Variants in MSRA observed in about 807,000 individuals in gnomAD.
MSRA encodes the protein mitochondrial peptide methionine sulfoxide reductase.
MSRA carries 54 observed loss-of-function variants against 31.3 expected under a neutral mutation model. The ratio of observed to expected loss-of-function variants is 1.73; its 90% CI spans 1.39 to 2.17. MSRA has a LOEUF of 2.17. Among genes scored for constraint, MSRA ranks in the 30% most tolerant of loss-of-function variants. The pLI is 0.00. For missense variants in MSRA, 507 were observed against 300.9 expected (o/e 1.69, Z -5.07); for synonymous variants, 169 against 116.5 (o/e 1.45, Z -2.90).
chr8:10,300,766 G>C (rs752600349), intron 3 of MSRA, among the ~76,000 whole-genome samples: 2 of 152,026 alleles, frequency 1.3e-5, no homozygotes, highest in African/African-American at 2.4e-5. Flanking sequence ...AGTATGGAGG[G>C]ATCTCTTATT....
intron 5 of MSRA, among the ~76,000 whole-genome samples, chr8:10,362,850 C>A (rs976505542): frequency 6.6e-5 from 10 of 152,152 alleles, no homozygotes; most frequent in African/African-American, 2.4e-4. Context: ...CCCTGACTTC[C>A]TCCTTCCCTC....
chr8:10,064,193 T>C (rs1341616690), intron 1 of MSRA, among the ~76,000 whole-genome samples: 1 of 152,182 alleles, frequency 6.6e-6, no homozygotes, highest in Non-Finnish European at 1.5e-5. Context: ...CTCCTGGATA[T>C]CCTATCAAAA....
intron 1 of MSRA, among the ~76,000 whole-genome samples, chr8:10,116,927 T>G (rs774439106): frequency 9.9e-5 from 15 of 152,256 alleles, no homozygotes; most frequent in Non-Finnish European, 1.8e-4. Flanking sequence ...GATTGCGCCA[T>G]TGCACTCTAG....
chr8:10,070,777 T>C (rs2128917966), intron 1 of MSRA, among the ~76,000 whole-genome samples: 1 of 152,330 alleles, frequency 6.6e-6, no homozygotes, highest in Non-Finnish European at 1.5e-5. Flanking sequence ...GGGATTGGCT[T>C]TTTTCAGTCA....
chr8:10,299,311 T>C (rs1376355960), intron 3 of MSRA, among the ~76,000 whole-genome samples: 1 of 152,122 alleles, frequency 6.6e-6, no homozygotes, highest in Non-Finnish European at 1.5e-5. Context: ...CATATTACCA[T>C]TTTTAATATT....
At chr8:10,179,024 G>A (rs560563544) in intron 1 of MSRA, among the ~76,000 whole-genome samples, 13 of 152,094 alleles carry the variant, frequency 8.5e-5, no homozygotes, top group African/African-American at 2.7e-4. Context: ...CTGTTGATTC[G>A]TGAGCACTAG....
chr8:10,080,767 G>A (rs934441190), intron 1 of MSRA, among the ~76,000 whole-genome samples: 4 of 151,522 alleles, frequency 2.6e-5, no homozygotes, highest in African/African-American at 4.9e-5. Flanking sequence ...TTGAGTTCCT[G>A]GGCTCAAGCG....
chr8:10,189,779 T>A (rs1202457407), intron 1 of MSRA, among the ~76,000 whole-genome samples: 1 of 152,198 alleles, frequency 6.6e-6, no homozygotes, highest in African/African-American at 2.4e-5. Context: ...AGGGGATCTG[T>A]CTCTAGTTTT....
intron 1 of MSRA, among the ~76,000 whole-genome samples, chr8:10,086,105 A>G (rs1798547004): frequency 6.6e-6 from 1 of 152,242 alleles, no homozygotes; most frequent in South Asian, 2.1e-4. Flanking sequence ...TGATCAGTGT[A>G]ACTTTTTAAG....
chr8:10,144,740 C>CT (rs1002534674), intron 1 of MSRA, among the ~76,000 whole-genome samples: 2 of 151,148 alleles, frequency 1.3e-5, no homozygotes, highest in African/African-American at 2.4e-5. Flanking sequence ...TATCTCATGC[C>CT]TTTTTTTTTC....
chr8:10,273,435 A>G (rs541811186), intron 3 of MSRA, among the ~76,000 whole-genome samples: 7 of 152,248 alleles, frequency 4.6e-5, no homozygotes, highest in African/African-American at 1.7e-4. Context: ...CTGTGCTGTA[A>G]TTTCATCTTT....
At chr8:10,083,931 G>GT (rs1269610479) in intron 1 of MSRA, among the ~76,000 whole-genome samples, 52 of 152,196 alleles carry the variant, frequency 3.4e-4, no homozygotes, top group African/African-American at 1.2e-3. Flanking sequence ...TTCAAAGAGG[G>GT]GATTTAGGCC....
intron 2 of MSRA, among the ~76,000 whole-genome samples, chr8:10,213,329 A>G (rs1809681683): frequency 6.6e-6 from 1 of 151,820 alleles, no homozygotes; most frequent in African/African-American, 2.4e-5. Flanking sequence ...TATTTCACTT[A>G]ACATAGTGTT....
At chr8:10,088,316 G>A (rs1286494016) in intron 1 of MSRA, among the ~76,000 whole-genome samples, 3 of 152,162 alleles carry the variant, frequency 2.0e-5, no homozygotes, top group African/African-American at 7.2e-5. Context: ...ATATGACCCA[G>A]TAATTCCTCT....
At chr8:10,113,742 T>G (rs1800468412) in intron 1 of MSRA, among the ~76,000 whole-genome samples, 1 of 151,802 alleles carries the variant, frequency 6.6e-6, no homozygotes, top group South Asian at 2.1e-4. Context: ...CATTGAAGCC[T>G]TAAGCAGCCC....
At position 10,386,926 on chromosome 8, in the gene MSRA, A is replaced by G. The variant is rs1423586144; in HGVS notation, c.544-41222A>G. Among the ~76,000 whole-genome samples, 3 of 151,430 alleles carry G rather than the reference A, an allele frequency of 2.0e-5. No homozygotes were observed. In the East Asian group the frequency reaches 5.8e-4, roughly 29 times the overall value. On this transcript the variant is annotated intron_variant, in intron 5 of 5. Coordinates refer to ENST00000317173, the MANE Select transcript of MSRA (RefSeq NM_012331.5). ...AAGAGTCTTCAGAAAAATTAGCCCCAAAGGCATGGGATCGGCTGAACTGCA... is the reference window on the plus strand; with the variant it reads ...AAGAGTCTTCAGAAAAATTAGCCCCGAAGGCATGGGATCGGCTGAACTGCA...
intron 3 of MSRA, among the ~76,000 whole-genome samples, chr8:10,266,754 G>A (rs141970552): frequency 1.3e-3 from 193 of 152,152 alleles, no homozygotes; most frequent in African/African-American, 4.4e-3. Context: ...TATATATAGT[G>A]CAAGTCATTT....
intron 1 of MSRA, among the ~76,000 whole-genome samples, chr8:10,091,354 T>A (rs1476336330): frequency 1.3e-5 from 2 of 152,258 alleles, no homozygotes; most frequent in South Asian, 2.1e-4. Flanking sequence ...TCAAGCTAAT[T>A]ATGTGCATTG....
At chr8:10,211,521 TG>T in intron 2 of MSRA, among the ~76,000 whole-genome samples, 1 of 152,154 alleles carries the variant, frequency 6.6e-6, no homozygotes, top group Non-Finnish European at 1.5e-5. Flanking sequence ...GCTTGCAAGC[TG>T]GAAAAGTGGA....
Sources: allele counts gnomAD v4.1 joint callset (sites outside exome capture counted in the v4.1 genomes callset), GRCh38; gene constraint gnomAD v4.1.1; transcripts MANE v1.5; gene names NCBI Gene and HGNC (gene_info 2026-07-23, HGNC 2026-07-21).